Variants in AXDND1 observed in about 807,000 individuals in gnomAD.
AXDND1 encodes the protein axonemal dynein light chain domain-containing protein 1.
AXDND1 carries 110 observed loss-of-function variants against 137.5 expected under a neutral mutation model. That is an observed-to-expected ratio of 0.80 (90% confidence interval 0.69 to 0.94). The LOEUF (loss-of-function observed/expected upper bound fraction) is 0.94, where lower values mean the gene tolerates loss of function less well. AXDND1 is among the 40% of genes least tolerant of loss of function. The pLI, the probability that AXDND1 is intolerant of heterozygous loss-of-function variation, is 0.00. For synonymous variants in AXDND1, 414 were observed against 399.7 expected (o/e 1.04, Z -0.43); for missense variants, 1,191 against 1,169.8 (o/e 1.02, Z -0.26).
intron 16 of AXDND1, chr1:179,447,828 A>G (rs1659959242): frequency 7.7e-7 from 1 of 1,290,850 alleles, no homozygotes; most frequent in Admixed American, 1.7e-5. Context: ...TGAAGTCTGT[A>G]GTGCCCAACA....
intron 18 of AXDND1, among the ~76,000 whole-genome samples, chr1:179,489,132 C>G (rs1471528603): frequency 1.6e-5 from 2 of 125,736 alleles, no homozygotes; most frequent in Non-Finnish European, 3.4e-5. Context: ...AAAAGAAAAG[C>G]AGTCAATTCA....
chr1:179,374,529 T>G (rs1159515896), intron 4 of AXDND1, among the ~76,000 whole-genome samples: 2 of 152,182 alleles, frequency 1.3e-5, no homozygotes, highest in Non-Finnish European at 2.9e-5. Context: ...TGCACACATA[T>G]GTTTATTGCG....
At chr1:179,539,809 G>A (rs576623826) in intron 25 of AXDND1, among the ~76,000 whole-genome samples, 4 of 152,004 alleles carry the variant, frequency 2.6e-5, no homozygotes, top group Admixed American at 1.3e-4. Flanking sequence ...CATTCTCCCC[G>A]TCACTTTCGG....
chr1:179,395,247 G>T (rs1385143246), intron 11 of AXDND1, 45 bp downstream of exon 11: 1 of 1,469,286 alleles, frequency 6.8e-7, no homozygotes, highest in Non-Finnish European at 9.4e-7. Context: ...GGAAAAGGAA[G>T]AAGCTTATAT....
At position 179,366,492 on chromosome 1, in the gene AXDND1, T is replaced by C. The variant is rs745602804; in HGVS notation, c.-18T>C. ...GGACTATTTCAAATTACTAAAGAGA[T>C]AGGAGGCATTGTTTATTATGTCTCT... On this transcript the variant is annotated 5_prime_UTR_variant, in exon 2 of 26. Coordinates refer to ENST00000367618, the MANE Select transcript of AXDND1 (RefSeq NM_144696.6). 18 of 1,578,736 alleles carry C rather than the reference T, an allele frequency of 1.1e-5. No individual in the cohort carries two copies. Among genetic ancestry groups the C allele is most frequent in the Non-Finnish European group, 1.3e-5 (15 of 1,148,368 alleles).
intron 21 of AXDND1, among the ~76,000 whole-genome samples, chr1:179,517,679 C>G (rs1363575134): frequency 6.6e-6 from 1 of 152,212 alleles, no homozygotes; most frequent in Non-Finnish European, 1.5e-5. Flanking sequence ...GACTCAGCTC[C>G]AGGTAAGGTT....
intron 20 of AXDND1, among the ~76,000 whole-genome samples, chr1:179,500,918 C>T (rs751213193): frequency 6.6e-6 from 1 of 152,146 alleles, no homozygotes; most frequent in Non-Finnish European, 1.5e-5. Flanking sequence ...GTGATCCACC[C>T]GTCTCAGCCT....
At chr1:179,416,206 G>C (rs912914670) in intron 12 of AXDND1, among the ~76,000 whole-genome samples, 1 of 151,988 alleles carries the variant, frequency 6.6e-6, no homozygotes, top group Admixed American at 6.6e-5. Flanking sequence ...TCTGTGACTT[G>C]GCTTATTTCA....
At chr1:179,440,339 T>C (rs896986671) in intron 15 of AXDND1, among the ~76,000 whole-genome samples, 4 of 152,264 alleles carry the variant, frequency 2.6e-5, no homozygotes, top group African/African-American at 7.2e-5. Flanking sequence ...TCACTGTACA[T>C]GACCAGCTGT....
chr1:179,367,845 A>G (rs545705844), intron 2 of AXDND1, among the ~76,000 whole-genome samples: 35 of 152,332 alleles, frequency 2.3e-4, no homozygotes, highest in African/African-American at 7.5e-4. Context: ...AATGAGAGCA[A>G]TTCCTTAAGA....
chr1:179,513,649 C>A (rs1406442256), intron 21 of AXDND1, among the ~76,000 whole-genome samples: 1 of 151,978 alleles, frequency 6.6e-6, no homozygotes, highest in African/African-American at 2.4e-5. Flanking sequence ...GGTATCAATT[C>A]TTTGAATGTC....
intron 18 of AXDND1, among the ~76,000 whole-genome samples, chr1:179,486,776 G>A (rs563631396): frequency 1.3e-5 from 2 of 148,718 alleles, no homozygotes; most frequent in Admixed American, 1.3e-4. Context: ...ACAAACAAAT[G>A]CTGAGGGAAT....
chr1:179,458,886 A>G (rs1396371059), intron 16 of AXDND1, among the ~76,000 whole-genome samples: 1 of 152,034 alleles, frequency 6.6e-6, no homozygotes, highest in Non-Finnish European at 1.5e-5. Context: ...TGGTTCTAGA[A>G]AATAAAATAA....
intron 20 of AXDND1, among the ~76,000 whole-genome samples, chr1:179,499,157 A>G (rs1667751204): frequency 6.6e-6 from 1 of 152,146 alleles, no homozygotes; most frequent in African/African-American, 2.4e-5. Context: ...TATTCACAAG[A>G]GCAAACAATA....
chr1:179,369,040 T>C, intron 3 of AXDND1, 68 bp downstream of exon 3: 1 of 1,405,664 alleles, frequency 7.1e-7, no homozygotes, highest in Non-Finnish European at 9.8e-7. Context: ...TCTTTAAGTA[T>C]TTATTATGCA....
At chr1:179,509,484 C>G in intron 21 of AXDND1, 81 bp downstream of exon 21, 1 of 912,840 alleles carries the variant, frequency 1.1e-6, no homozygotes, top group South Asian at 1.7e-5. Flanking sequence ...TTTTTCCAAT[C>G]AATGTTCTGA....
chr1:179,516,991 G>A (rs181259120), intron 21 of AXDND1, among the ~76,000 whole-genome samples: 2 of 152,314 alleles, frequency 1.3e-5, no homozygotes, highest in Non-Finnish European at 2.9e-5. Flanking sequence ...GAGAGGAACT[G>A]GTGGTGGGCA....
intron 12 of AXDND1, among the ~76,000 whole-genome samples, chr1:179,428,139 T>C (rs1656850249): frequency 1.3e-5 from 2 of 152,206 alleles, no homozygotes. Flanking sequence ...TGTTCCATTC[T>C]GATGCAGAAT....
At position 179,528,641 on chromosome 1, in the gene AXDND1, CTTTTTTTTTTT is replaced by C. The variant is rs34531104; in HGVS notation, c.2715+220_2715+230del. 2.9e-4 allele frequency among the ~76,000 whole-genome samples: 33 copies of C among 115,356 alleles called. 1 individual carries two copies. The South Asian group carries it at 3.0e-3, about 10-fold the overall frequency. The allele number at this position is 115,356 out of a possible 152,430, so 75.7% of individuals were successfully genotyped here. A position where few individuals can be genotyped will look rare whatever the true frequency, so the allele number is the denominator to read the frequency against. ...GCTTCTCATTCTCATCTTTAAACCTCTTTTTTTTTTTTTTTTTTTTGACAGAGTTTTGCTCT... is the reference window on the plus strand; with the variant it reads ...GCTTCTCATTCTCATCTTTAAACCTCTTTTTTTTTGACAGAGTTTTGCTCT... On this transcript the variant is annotated intron_variant, in intron 23 of 25. Coordinates refer to ENST00000367618, the MANE Select transcript of AXDND1 (RefSeq NM_144696.6).
Sources: gnomAD v4.1 joint callset for allele counts (sites outside exome capture counted in the v4.1 genomes callset) on GRCh38, gnomAD v4.1.1 for gene constraint, MANE v1.5 for transcripts, NCBI Gene and HGNC (gene_info 2026-07-23, HGNC 2026-07-21) for gene names.